Variants in RFTN2 observed in about 807,000 individuals in gnomAD.
RFTN2 encodes the protein raftlin family member 2.
RFTN2 carries 34 observed loss-of-function variants against 52.7 expected under a neutral mutation model. That is an observed-to-expected ratio of 0.64 (90% CI 0.49 to 0.86). The LOEUF (loss-of-function observed/expected upper bound fraction) is 0.86. Among genes scored for constraint, RFTN2 ranks in the 40% least tolerant of loss-of-function variants. The pLI is 0.00. For synonymous variants in RFTN2, 203 were observed against 217.7 expected (o/e 0.93, Z 0.59); for missense variants, 536 against 600.1 (o/e 0.89, Z 1.12).
chr2:197,574,211 C>T (rs1204453005), intron 8 of RFTN2, among the ~76,000 whole-genome samples: 1 of 152,206 alleles, frequency 6.6e-6, no homozygotes, highest in East Asian at 1.9e-4. Flanking sequence ...CAATGCCAGC[C>T]TATGAAAGCA....
At chr2:197,646,729 A>G in intron 1 of RFTN2, 63 bp from the exon 2 acceptor site, 1 of 1,289,700 alleles carries the variant, frequency 7.8e-7, no homozygotes, top group South Asian at 1.4e-5. Flanking sequence ...CATTATTTCT[A>G]CCTATGGGTG....
intron 7 of RFTN2, 25 bp downstream of exon 7, chr2:197,615,851 G>A: frequency 2.6e-6 from 3 of 1,143,868 alleles, no homozygotes; most frequent in Non-Finnish European, 3.9e-6. Flanking sequence ...TTAAATGATA[G>A]TATGTAAGGA....
At chr2:197,647,113 G>A (rs2106253139) in intron 1 of RFTN2, among the ~76,000 whole-genome samples, 1 of 152,196 alleles carries the variant, frequency 6.6e-6, no homozygotes, top group Admixed American at 6.5e-5. Context: ...TTTCATTTGA[G>A]TGACTATATT....
intron 5 of RFTN2, among the ~76,000 whole-genome samples, chr2:197,621,401 GTT>G (rs55724429): frequency 8.2e-6 from 1 of 122,592 alleles, no homozygotes; most frequent in Non-Finnish European, 1.6e-5. Flanking sequence ...GCAGATACCG[GTT>G]TTTTTTTTTT....
At chr2:197,591,615 A>G (rs893407482) in intron 8 of RFTN2, among the ~76,000 whole-genome samples, 1 of 152,092 alleles carries the variant, frequency 6.6e-6, no homozygotes, top group South Asian at 2.1e-4. Flanking sequence ...GGCAGCACTC[A>G]TTGGGGAGGC....
chr2:197,633,931 T>C lies in RFTN2; in HGVS notation c.505A>G (p.Lys169Glu). Residue 169 changes from lysine to glutamate, a missense_variant, in exon 4 of 9, where the codon AAA (lysine) becomes GAA (glutamate). By Grantham distance (56) the Lys-to-Glu change is moderately conservative. Transcript: ENST00000295049. ...TCATGGTTGGTTCCATTGCAGAATT[T>C]AGATGGAGAATAATGCTGTGATATG... is the stretch of plus-strand genomic sequence containing the variant. ...GFISQHYSPS[K>E]FCNGTNHDGD... is the part of the protein sequence containing the mutation. The C allele has an allele frequency of 3.1e-6, 5 of 1,613,288 alleles. No homozygotes were observed. The highest frequency in any genetic ancestry group is 3.4e-6 in the Non-Finnish European group (4 of 1,179,302).
chr2:197,606,217 T>C (rs993621344), intron 7 of RFTN2, among the ~76,000 whole-genome samples: 30 of 152,206 alleles, frequency 2.0e-4, no homozygotes, highest in Admixed American at 1.8e-3. Context: ...TAGACCTTCA[T>C]GGCAGGACCT....
intron 8 of RFTN2, among the ~76,000 whole-genome samples, chr2:197,580,075 C>T (rs926162122): frequency 6.6e-6 from 1 of 152,094 alleles, no homozygotes; most frequent in Non-Finnish European, 1.5e-5. Context: ...CACTTGGCAA[C>T]AACCCTTAGA....
intron 8 of RFTN2, among the ~76,000 whole-genome samples, chr2:197,585,350 C>T (rs1355069488): frequency 6.6e-6 from 1 of 152,166 alleles, no homozygotes; most frequent in Non-Finnish European, 1.5e-5. Context: ...TTGTAAATGC[C>T]CTGCCCTTGT....
intron 5 of RFTN2, among the ~76,000 whole-genome samples, chr2:197,625,620 G>A (rs932452468): frequency 5.4e-5 from 8 of 148,916 alleles, no homozygotes; most frequent in Admixed American, 5.4e-4. Context: ...TTCCACTCTT[G>A]CCCTCTGTGA....
At chr2:197,658,415 C>T (rs1343699618) in intron 1 of RFTN2, among the ~76,000 whole-genome samples, 2 of 151,116 alleles carry the variant, frequency 1.3e-5, no homozygotes, top group East Asian at 1.9e-4. Context: ...GGACCACAGG[C>T]GCATGCCATG....
intron 8 of RFTN2, among the ~76,000 whole-genome samples, chr2:197,581,611 C>T (rs1272046106): frequency 6.6e-6 from 1 of 152,158 alleles, no homozygotes; most frequent in Admixed American, 6.5e-5. Context: ...CTCAACAAGA[C>T]ACCCTCCTGC....
Position 197,631,214 on chromosome 2 carries a change from T to C in RFTN2, c.725A>G (p.Asp242Gly). 6.2e-7 allele frequency: 1 copy of C among 1,607,992 alleles called. No homozygotes were observed. The highest frequency in any genetic ancestry group is 1.7e-5 in the Admixed American group (1 of 58,390). ...ATTGAAGACTGTATACAATTTGTTA[T>C]CTGAGGCTAGGCATTCAGAAGGAGA... Reference protein sequence around the residue: ...SSKSRKGEASDNKLYTVFNAF... With the variant: ...SSKSRKGEASGNKLYTVFNAF... The change falls in exon 5 of 9, where the codon GAT becomes GGT. Residue 242 changes from aspartate (D) to glycine (G), a missense_variant. Coordinates refer to ENST00000295049, the MANE Select transcript of RFTN2 (RefSeq NM_144629.3).
Position 197,671,661 on chromosome 2 carries a change from A to T in RFTN2, c.139+3659T>A, listed in dbSNP as rs146252355. On this transcript the variant is annotated intron_variant, in intron 1 of 8. Coordinates refer to ENST00000295049, the MANE Select transcript of RFTN2 (RefSeq NM_144629.3). ...TAATCAGCATTTTTTACAGAGTACA[A>T]TTCCTGTTAATGGTGATGATGAAAG... Among the ~76,000 whole-genome samples, 57 of 152,328 alleles carry T rather than the reference A, an allele frequency of 3.7e-4. No individual in the cohort carries two copies. In the East Asian group the frequency reaches 0.011, roughly 28 times the overall value.
chr2:197,627,121 C>T (rs2088377361), intron 5 of RFTN2, among the ~76,000 whole-genome samples: 1 of 152,180 alleles, frequency 6.6e-6, no homozygotes, highest in Admixed American at 6.5e-5. Context: ...TGCCTTGCTC[C>T]AGAAACACAG....
intron 7 of RFTN2, among the ~76,000 whole-genome samples, chr2:197,604,480 C>T (rs182543466): frequency 4.5e-4 from 68 of 152,250 alleles, no homozygotes; most frequent in Non-Finnish European, 6.9e-4. Context: ...TGATATGATT[C>T]CATTCATATA....
In RFTN2 at chr2:197,570,068, C is replaced by A. The variant is rs2087292915; in HGVS notation, c.*1940G>T. On this transcript the variant is annotated 3_prime_UTR_variant, in exon 9 of 9. Transcript: ENST00000295049. ...GGCTGAATGATAAAGAAGTCTCTAC[C>A]TCTTGTAGACCCTGGAATTGGGAAA... The A allele has an allele frequency of 6.6e-6, 1 of 151,974 alleles. No homozygotes were observed. Among genetic ancestry groups the A allele is most frequent in the African/African-American group, 2.4e-5 (1 of 41,390 alleles). 9.4% of individuals were successfully genotyped at this position (151,974 alleles called of 1,614,324 possible).
At chr2:197,578,793 G>A (rs554025635) in intron 8 of RFTN2, among the ~76,000 whole-genome samples, 1 of 152,098 alleles carries the variant, frequency 6.6e-6, no homozygotes, top group Non-Finnish European at 1.5e-5. Flanking sequence ...GCCGTGATTC[G>A]GATTGGGGGA....
chr2:197,571,519 TTATTA>T lies in RFTN2; in HGVS notation c.*484_*488del, dbSNP rs1347774473. ...TAGTTAAAGACAAAATGTGGATTAA[TTATTA>T]TATTTGGGAAATAGATATTTATTTG... On this transcript the variant is annotated 3_prime_UTR_variant, in exon 9 of 9. Transcript: ENST00000295049. 6.4e-6 allele frequency: 1 copy of T among 157,458 alleles called. No homozygotes were observed. Among genetic ancestry groups the T allele is most frequent in the East Asian group, 1.9e-4 (1 of 5,344 alleles). The allele number at this position is 157,458 out of a possible 1,614,324, so 9.8% of individuals were successfully genotyped here. A position where few individuals can be genotyped will look rare whatever the true frequency, so the allele number is the denominator to read the frequency against.
Sources: gnomAD v4.1 joint callset for allele counts (sites outside exome capture counted in the v4.1 genomes callset) on GRCh38, gnomAD v4.1.1 for gene constraint, MANE v1.5 for transcripts, NCBI Gene and HGNC (gene_info 2026-07-23, HGNC 2026-07-21) for gene names.